ANKRD30A: variants seen among roughly 807,000 people sequenced by gnomAD.
The protein encoded by ANKRD30A is ankyrin repeat domain-containing protein 30A.
In ANKRD30A, 170 loss-of-function variants were observed where a neutral mutation model predicts 166.3. The observed-to-expected ratio is 1.02, with a 90% CI of 0.90 to 1.16. ANKRD30A has a LOEUF of 1.16. ANKRD30A is among the 50% of genes most tolerant of loss of function. The pLI is 0.00. For missense variants in ANKRD30A, 1,630 were observed against 1,518.0 expected (o/e 1.07, Z -1.23); for synonymous variants, 564 against 508.9 (o/e 1.11, Z -1.46).
intron 31 of ANKRD30A, among the ~76,000 whole-genome samples, chr10:37,213,006 T>C (rs1358817264): frequency 2.6e-5 from 4 of 151,914 alleles, no homozygotes; most frequent in Admixed American, 2.0e-4. Context: ...TTTTCAAACT[T>C]GGTAATTTGT....
intron 31 of ANKRD30A, among the ~76,000 whole-genome samples, chr10:37,202,859 C>T (rs149760247): frequency 0.01 from 1,554 of 152,244 alleles, 24 homozygotes; most frequent in African/African-American, 0.035. Flanking sequence ...ACTATAAACA[C>T]CTCTATGCAA....
intron 35 of ANKRD30A, among the ~76,000 whole-genome samples, chr10:37,231,893 A>T (rs1455801308): frequency 2.0e-5 from 3 of 152,110 alleles, no homozygotes; most frequent in Non-Finnish European, 4.4e-5. Context: ...AACTTCATTC[A>T]ATAAACTTAA....
intron 12 of ANKRD30A, among the ~76,000 whole-genome samples, chr10:37,152,359 A>C (rs1200215707): frequency 1.3e-5 from 2 of 152,122 alleles, no homozygotes; most frequent in East Asian, 1.9e-4. Flanking sequence ...TGTAAAAACT[A>C]AGGCTTAGAA....
intron 27 of ANKRD30A, among the ~76,000 whole-genome samples, 189 bp downstream of exon 27, chr10:37,193,447 G>GA (rs985411286): frequency 2.0e-5 from 3 of 151,902 alleles, no homozygotes; most frequent in African/African-American, 4.8e-5. Context: ...TAGAGATTTA[G>GA]AAAAAAAATT....
chr10:37,167,142 G>A (rs1280956242), intron 19 of ANKRD30A, among the ~76,000 whole-genome samples: 2 of 151,722 alleles, frequency 1.3e-5, no homozygotes, highest in Non-Finnish European at 2.9e-5. Context: ...AAAATGGAGT[G>A]AGCTCACTTC....
chr10:37,178,180 T>A (rs1272042895), intron 24 of ANKRD30A, among the ~76,000 whole-genome samples: 3 of 151,272 alleles, frequency 2.0e-5, no homozygotes. Flanking sequence ...TGTGACCTTC[T>A]AGAATCAAAA....
chr10:37,196,441 T>G (rs1409099257), intron 27 of ANKRD30A, among the ~76,000 whole-genome samples: 1 of 152,156 alleles, frequency 6.6e-6, no homozygotes, highest in Non-Finnish European at 1.5e-5. Context: ...GTTGTTTTGG[T>G]AAAATTGCCA....
intron 6 of ANKRD30A, among the ~76,000 whole-genome samples, chr10:37,138,889 A>T (rs988301540): frequency 8.5e-5 from 13 of 152,242 alleles, no homozygotes; most frequent in Middle Eastern, 3.4e-3. Context: ...CTGCAAAGAT[A>T]CTCCTTGAGA....
At chr10:37,223,361 C>T (rs528274784) in intron 34 of ANKRD30A, among the ~76,000 whole-genome samples, 7 of 151,084 alleles carry the variant, frequency 4.6e-5, no homozygotes, top group African/African-American at 1.2e-4. Context: ...AGAGAATGAG[C>T]GTAGTTACCT....
At chr10:37,246,431 T>C in the ANKRD30A span, among the ~76,000 whole-genome samples, 1 of 152,270 alleles carries the variant, frequency 6.6e-6, no homozygotes, top group African/African-American at 2.4e-5. Context: ...ACTCTTTTAA[T>C]CTGTCTTTTC....
At chr10:37,202,808 C>T (rs1464825872) in intron 31 of ANKRD30A, among the ~76,000 whole-genome samples, 3 of 152,072 alleles carry the variant, frequency 2.0e-5, no homozygotes, top group African/African-American at 7.2e-5. Context: ...AAGGGGATAT[C>T]ACCACCGATC....
intron 25 of ANKRD30A, among the ~76,000 whole-genome samples, chr10:37,192,528 C>T (rs1227391176): frequency 6.6e-6 from 1 of 152,060 alleles, no homozygotes; most frequent in Non-Finnish European, 1.5e-5. Context: ...AGAACATTCT[C>T]TGCAATGATA....
intron 15 of ANKRD30A, among the ~76,000 whole-genome samples, chr10:37,159,987 C>T (rs1838727954): frequency 6.6e-6 from 1 of 152,158 alleles, no homozygotes; most frequent in African/African-American, 2.4e-5. Context: ...GCGTGAGGCA[C>T]CGTGCCCGGC....
At chr10:37,127,056 A>C (rs1836076154) in intron 1 of ANKRD30A, among the ~76,000 whole-genome samples, 1 of 96,048 alleles carries the variant, frequency 1.0e-5, no homozygotes, top group Non-Finnish European at 2.5e-5. Flanking sequence ...CAAAAAAAAA[A>C]AAAAAAAAAA....
chr10:37,215,254 T>G (rs1254923779), intron 31 of ANKRD30A, among the ~76,000 whole-genome samples: 1 of 151,422 alleles, frequency 6.6e-6, no homozygotes, highest in Non-Finnish European at 1.5e-5. Context: ...GTCTTCCAGG[T>G]AAATCTATAA....
intron 1 of ANKRD30A, among the ~76,000 whole-genome samples, chr10:37,129,229 C>T (rs1836234875): frequency 6.6e-6 from 1 of 152,048 alleles, no homozygotes; most frequent in South Asian, 2.1e-4. Context: ...TGTGATGCCT[C>T]CTTATTTTAT....
intron 34 of ANKRD30A, among the ~76,000 whole-genome samples, chr10:37,230,471 A>T (rs1427964963): frequency 6.6e-6 from 1 of 152,020 alleles, no homozygotes; most frequent in African/African-American, 2.4e-5. Flanking sequence ...GATTCACACT[A>T]GTCAACCTGA....
the ANKRD30A span, among the ~76,000 whole-genome samples, chr10:37,247,916 A>G: frequency 1.3e-4 from 19 of 151,654 alleles, no homozygotes; most frequent in Non-Finnish European, 1.9e-4. Flanking sequence ...TAACTAATGA[A>G]TACTTAGGCT....
At chr10:37,214,338 C>G (rs1349796194) in intron 31 of ANKRD30A, among the ~76,000 whole-genome samples, 2 of 151,216 alleles carry the variant, frequency 1.3e-5, no homozygotes, top group Non-Finnish European at 3.0e-5. Flanking sequence ...GTAGATCTTA[C>G]TTTTATATCC....
Sources: allele counts gnomAD v4.1 joint callset (sites outside exome capture counted in the v4.1 genomes callset), GRCh38; gene constraint gnomAD v4.1.1; transcripts MANE v1.5; gene names NCBI Gene and HGNC (gene_info 2026-07-23, HGNC 2026-07-21).